The following INTS1 variants were observed in gnomAD, a reference collection of about 807,000 sequenced individuals.
The protein encoded by INTS1 is integrator complex subunit 1.
Under a neutral mutation model 241.6 loss-of-function variants are expected in INTS1, and 137 were observed. The observed-to-expected ratio is 0.57, with a 90% CI of 0.49 to 0.65. The LOEUF (loss-of-function observed/expected upper bound fraction) is 0.65. Among genes scored for constraint, INTS1 ranks in the 30% least tolerant of loss-of-function variants. The pLI, the probability that INTS1 is intolerant of heterozygous loss-of-function variation, is 0.00. For synonymous variants in INTS1, 1,692 were observed against 1,337.8 expected, an observed-to-expected ratio of 1.26 and a Z score of -5.78; for missense variants, 3,073 against 3,032.2, an observed-to-expected ratio of 1.01 and a Z score of -0.32.
chr7:1,501,393 T>C (rs1011267100), intron 3 of INTS1: 21 of 152,234 alleles, frequency 1.4e-4, no homozygotes, highest in African/African-American at 4.3e-4. Context: ...GGACAGAGAC[T>C]TGGAATAAAT....
At position 1,479,566 on chromosome 7, in the gene INTS1, A is replaced by C. The variant is rs866910829; in HGVS notation, c.4193T>G (p.Val1398Gly). 6.5e-7 allele frequency: 1 copy of C among 1,549,292 alleles called. No individual in the cohort carries two copies. The highest frequency in any genetic ancestry group is 1.7e-4 in the Middle Eastern group (1 of 5,792). The change falls in exon 31 of 48, where the codon GTG becomes GGG. Residue 1398 changes from valine to glycine, a missense_variant. Coordinates refer to ENST00000404767, the MANE Select transcript of INTS1 (RefSeq NM_001080453.3). ...CAGGACACGCACCGTGATGCCCGGCACCTCGGGGCTGCCCTGGACGACGCG... is the reference window on the plus strand; with the variant it reads ...CAGGACACGCACCGTGATGCCCGGCCCCTCGGGGCTGCCCTGGACGACGCG... ...LARVVQGSPE[V>G]PGITVRVLQA...
chr7:1,478,065 G>A, intron 33 of INTS1, 129 bp from the exon 34 acceptor site: 2 of 802,598 alleles, frequency 2.5e-6, no homozygotes, highest in Non-Finnish European at 4.1e-6. Context: ...TCCAGCCGGA[G>A]CCAGAGAGGA....
rs931844456 is a variant in INTS1 at position 1,475,830 on chromosome 7, G to A, written c.5502+118C>T. Reference sequence around the variant, plus strand: ...ACAGGGCCACAGGGCGGCGCGGACTGGGAAGGGGCAAGAGGGGTAGCCGGC... The same window carrying A: ...ACAGGGCCACAGGGCGGCGCGGACTAGGAAGGGGCAAGAGGGGTAGCCGGC... On this transcript the variant is annotated intron_variant, in intron 39 of 47. Transcript: ENST00000404767. 17 of 1,297,636 alleles carry A rather than the reference G, an allele frequency of 1.3e-5. No individual in the cohort carries two copies. In the African/African-American group the frequency reaches 1.8e-4, roughly 14 times the overall value. 80.4% of individuals were successfully genotyped at this position (1,297,636 alleles called of 1,614,324 possible). A position where few individuals can be genotyped will look rare whatever the true frequency, so the allele number is the denominator to read the frequency against.
At position 1,482,556 on chromosome 7, in the gene INTS1, C is replaced by A. The variant is rs766231151; in HGVS notation, c.3693G>T (p.Leu1231=). ...CAGCCTGGACCGTACCGGCGTCCAC[C>A]AGGCGGAGCACCTCAGAACGGATCA... ...LRMIRSEVLR[L]VDAALQDLEP... The change falls in exon 27 of 48, where the codon CTG becomes CTT. Residue 1231 remains leucine, a synonymous_variant. Coordinates refer to ENST00000404767, the MANE Select transcript of INTS1 (RefSeq NM_001080453.3). The A allele has an allele frequency of 1.2e-6, 2 of 1,608,758 alleles. No homozygotes were observed. Among genetic ancestry groups the A allele is most frequent in the Admixed American group, 3.3e-5 (2 of 59,782 alleles).
intron 5 of INTS1, 31 bp from the exon 6 acceptor site, chr7:1,499,663 C>T: frequency 6.4e-7 from 1 of 1,568,846 alleles, no homozygotes; most frequent in Non-Finnish European, 8.7e-7. Flanking sequence ...CAGCCCCGAG[C>T]CCAGCCGGGC....
rs531154640 is a variant in INTS1 at position 1,497,031 on chromosome 7, C to G, written c.1602+107G>C. 182 of 1,167,418 alleles carry G rather than the reference C, an allele frequency of 1.6e-4. No individual in the cohort carries two copies. The African/African-American group carries it at 2.5e-3, about 16-fold the overall frequency. The allele number at this position is 1,167,418 out of a possible 1,614,324, so 72.3% of individuals were successfully genotyped here. On this transcript the variant is annotated intron_variant, in intron 11 of 47. Transcript: ENST00000404767. The surrounding 1 kb of genome is among the most constrained non-coding windows in gnomAD (Gnocchi z 5.3). ...CACTCATCCCCGTACCCACGCTCAG[C>G]CAGAGCATCCGAAGGGGTGGAGTGT...
At chr7:1,503,250 C>T in intron 2 of INTS1, 59 bp from the exon 3 acceptor site, 1 of 1,479,890 alleles carries the variant, frequency 6.8e-7, no homozygotes. Flanking sequence ...TGGAAAAAGA[C>T]TGACTCTAAC....
At chr7:1,491,293 C>T (rs775105242) in intron 16 of INTS1, among the ~76,000 whole-genome samples, 33 of 152,234 alleles carry the variant, frequency 2.2e-4, no homozygotes, top group Non-Finnish European at 4.4e-4. Flanking sequence ...GGTCCAGGAA[C>T]AACCCACATG....
At position 1,487,081 on chromosome 7, in the gene INTS1, G is replaced by C. The variant is rs1782305905; in HGVS notation, c.2667C>G (p.Pro889=). The C allele has an allele frequency of 6.4e-7, 1 of 1,554,006 alleles. No homozygotes were observed. The highest frequency in any genetic ancestry group is 1.2e-5 in the South Asian group (1 of 85,088). The change falls in exon 21 of 48, where the codon CCC becomes CCG. Residue 889 remains proline, a synonymous_variant. Transcript: ENST00000404767. ...IQRQASSQSM[P]WLADLVQSSE... ...TGGACTGTACCAGGTCCGCCAGCCAGGGCATGGACTGCGAGGAGGCCTGGG... is the reference window on the plus strand; with the variant it reads ...TGGACTGTACCAGGTCCGCCAGCCACGGCATGGACTGCGAGGAGGCCTGGG...
intron 14 of INTS1, among the ~76,000 whole-genome samples, chr7:1,494,260 GA>G (rs1250502768): frequency 6.6e-6 from 1 of 152,234 alleles, no homozygotes; most frequent in Non-Finnish European, 1.5e-5. Flanking sequence ...AGGAGACAGA[GA>G]TAACCCCTAC....
chr7:1,487,463 G>A lies in INTS1; in HGVS notation c.2517-14C>T, dbSNP rs1367691064. ...CGGGGGGGCCCCCTGAGGGCCACAG[G>A]GGACACGGTGCGTCAGCACGCCCTG... On this transcript the variant is annotated splice_polypyrimidine_tract_variant and intron_variant, in intron 19 of 47. Coordinates refer to ENST00000404767, the MANE Select transcript of INTS1 (RefSeq NM_001080453.3). 1.2e-6 allele frequency: 2 copies of A among 1,608,726 alleles called. No individual in the cohort carries two copies. The highest frequency in any genetic ancestry group is 2.2e-5 in the East Asian group (1 of 44,806).
chr7:1,471,937 T>C (rs952450395), intron 44 of INTS1, among the ~76,000 whole-genome samples: 9 of 152,196 alleles, frequency 5.9e-5, no homozygotes, highest in African/African-American at 2.2e-4. Context: ...CCGCTCAGCC[T>C]TGGCTGTCCT....
chr7:1,494,621 C>T (rs1782754854), intron 14 of INTS1, 195 bp downstream of exon 14: 2 of 645,126 alleles, frequency 3.1e-6, no homozygotes, highest in Non-Finnish European at 5.5e-6. Flanking sequence ...AGCTGAATCC[C>T]TACAGTGGCG....
rs182901386 is a variant in INTS1, at chr7:1,492,736, T to C, written c.2165+274A>G. Among the ~76,000 whole-genome samples the C allele has an allele frequency of 8.0e-4, 122 of 152,222 alleles. 1 individual carries two copies. The highest frequency in any genetic ancestry group is 2.7e-3 in the African/African-American group (114 of 41,546). On this transcript the variant is annotated intron_variant, in intron 16 of 47. Coordinates refer to ENST00000404767, the MANE Select transcript of INTS1 (RefSeq NM_001080453.3). ...CAGCCCACTCAAACCCAGGTAACGG[T>C]TGGACTCGGGCCGAGCCAGTCAAGG...
intron 24 of INTS1, among the ~76,000 whole-genome samples, chr7:1,484,714 G>C (rs1320187609): frequency 6.6e-6 from 1 of 152,196 alleles, no homozygotes; most frequent in Non-Finnish European, 1.5e-5. Flanking sequence ...TGTGAACAAG[G>C]CACCCTCACC....
chr7:1,482,777 A>C, intron 26 of INTS1, 70 bp from the exon 27 acceptor site: 3 of 1,551,004 alleles, frequency 1.9e-6, no homozygotes, highest in African/African-American at 2.7e-5. Flanking sequence ...CGCTGGTGCC[A>C]AGGCTAGAGG....
rs200004545 is a variant in INTS1 at position 1,477,933 on chromosome 7, A to G, written c.4634T>C (p.Leu1545Pro). 1 of 1,612,342 alleles carries G rather than the reference A, an allele frequency of 6.2e-7. No individual in the cohort carries two copies. The highest frequency in any genetic ancestry group is 8.5e-7 in the Non-Finnish European group (1 of 1,179,752). The change falls in exon 34 of 48, where the codon CTC becomes CCC. Residue 1545 changes from leucine to proline, a missense_variant. By Grantham distance (98) the Leu-to-Pro change is moderately conservative. Transcript: ENST00000404767. ...GGACCTCACCTCGATCAGCCCCTGGAGGACTGCGCAAGGGACAAAGAGACA... is the reference window on the plus strand; with the variant it reads ...GGACCTCACCTCGATCAGCCCCTGGGGGACTGCGCAAGGGACAAAGAGACA... ...SVEPDLISKV[L>P]QGLIEVRSPH...
Position 1,500,003 on chromosome 7 carries a change from G to C in INTS1, c.565C>G (p.Arg189Gly). ...GVIEALCSLL[R>G]RDASINFKAK... is the part of the protein sequence containing the mutation. ...TTGAAGTTGATGGAGGCGTCCCGCC[G>C]CAGGAGGCTACACAGAGCCTGCCAG... The change falls in exon 5 of 48, where the codon CGG (arginine) becomes GGG (glycine). Residue 189 changes from arginine (R) to glycine (G), a missense_variant. Transcript: ENST00000404767. 2 of 1,613,420 alleles carry C rather than the reference G, an allele frequency of 1.2e-6. No homozygotes were observed. Among genetic ancestry groups the C allele is most frequent in the Non-Finnish European group, 1.7e-6 (2 of 1,179,824 alleles).
At chr7:1,483,572 G>A (rs779161743) in intron 26 of INTS1, 170 bp downstream of exon 26, 27 of 662,242 alleles carry the variant, frequency 4.1e-5, no homozygotes, top group Admixed American at 1.3e-4. Context: ...TCAGAGACAC[G>A]CGGGACGGAC....
Sources: gnomAD v4.1 joint callset for allele counts (sites outside exome capture counted in the v4.1 genomes callset) on GRCh38, gnomAD v4.1.1 for gene constraint, Gnocchi (gnomAD v3.1) non-coding constraint, MANE v1.5 for transcripts, NCBI Gene and HGNC (gene_info 2026-07-23, HGNC 2026-07-21) for gene names.